Variants in EFNA5 observed in about 807,000 individuals in gnomAD.
EFNA5 encodes ephrin-A5.
A neutral mutation model predicts 22.9 loss-of-function variants in EFNA5; 5 were observed. That is an observed-to-expected ratio of 0.22 (90% confidence interval 0.11 to 0.46). The LOEUF (loss-of-function observed/expected upper bound fraction) is 0.46. Among genes scored for constraint, EFNA5 ranks in the 20% least tolerant of loss-of-function variants. EFNA5 has a pLI of 0.99. For synonymous variants in EFNA5, 113 were observed against 112.2 expected, an observed-to-expected ratio of 1.01 and a Z score of -0.04; for missense variants, 237 against 293.3, an observed-to-expected ratio of 0.81 and a Z score of 1.40.
At chr5:107,466,988 T>C (rs1437144619) in intron 1 of EFNA5, among the ~76,000 whole-genome samples, 2 of 152,212 alleles carry the variant, frequency 1.3e-5, no homozygotes, top group Non-Finnish European at 2.9e-5. Context: ...TTCAAGCCTA[T>C]CTTCATTGAT....
At chr5:107,641,320 C>T (rs1051062955) in intron 1 of EFNA5, among the ~76,000 whole-genome samples, 2 of 150,628 alleles carry the variant, frequency 1.3e-5, no homozygotes, top group East Asian at 2.0e-4. Context: ...ACTGTACCAC[C>T]GCACTCCAGC....
chr5:107,640,914 G>C (rs908987010), intron 1 of EFNA5, among the ~76,000 whole-genome samples: 1 of 152,042 alleles, frequency 6.6e-6, no homozygotes, highest in Admixed American at 6.6e-5. Context: ...GCCACACCAG[G>C]TCACTTCTCT....
At chr5:107,669,583 C>A (rs1019257737) in intron 1 of EFNA5, among the ~76,000 whole-genome samples, 1 of 152,034 alleles carries the variant, frequency 6.6e-6, no homozygotes, top group African/African-American at 2.4e-5. Context: ...TGCGACTGGC[C>A]GGTGTCCAGC....
intron 1 of EFNA5, among the ~76,000 whole-genome samples, chr5:107,428,278 C>T (rs1748857698): frequency 6.6e-6 from 1 of 152,128 alleles, no homozygotes; most frequent in Admixed American, 6.5e-5. Context: ...AATGGCTCTT[C>T]CCCTCATTTC....
chr5:107,570,685 T>C lies in EFNA5; in HGVS notation c.125+99804A>G, dbSNP rs753957355. 1.0e-3 allele frequency among the ~76,000 whole-genome samples: 159 copies of C among 151,926 alleles called. 3 individuals carry two copies. The highest frequency in any genetic ancestry group is 7.9e-4 in the Non-Finnish European group (54 of 67,972). On this transcript the variant is annotated intron_variant, in intron 1 of 4. Transcript: ENST00000333274. Reference sequence around the variant, plus strand: ...GGCGGGCAGGTATTAATGATTCTAATAGTAGAAAAAGAGGACAGCAAGTAA... The same window carrying C: ...GGCGGGCAGGTATTAATGATTCTAACAGTAGAAAAAGAGGACAGCAAGTAA...
intron 1 of EFNA5, among the ~76,000 whole-genome samples, chr5:107,630,069 GA>G (rs201014361): frequency 4.0e-5 from 6 of 148,792 alleles, no homozygotes; most frequent in East Asian, 2.0e-4. Flanking sequence ...AAAAAAAAAA[GA>G]AAAAAAAATT....
chr5:107,552,458 T>A (rs931477877), intron 1 of EFNA5, among the ~76,000 whole-genome samples: 1 of 152,122 alleles, frequency 6.6e-6, no homozygotes, highest in African/African-American at 2.4e-5. Flanking sequence ...ACAGAAAGCA[T>A]AGGTAACTCA....
intron 1 of EFNA5, among the ~76,000 whole-genome samples, chr5:107,480,327 T>C (rs1661702891): frequency 6.6e-6 from 1 of 152,258 alleles, no homozygotes; most frequent in African/African-American, 2.4e-5. Flanking sequence ...TAAATTCAAC[T>C]GTATTTTGTA....
intron 2 of EFNA5, among the ~76,000 whole-genome samples, chr5:107,425,294 A>G (rs751152452): frequency 2.0e-5 from 3 of 152,208 alleles, no homozygotes; most frequent in Non-Finnish European, 4.4e-5. Flanking sequence ...GTTAGTGGGT[A>G]TGTTCCTCAT....
rs898762701 is a variant in EFNA5, at chr5:107,601,923, A to G, written c.125+68566T>C. Among the ~76,000 whole-genome samples, 3 of 152,202 alleles carry G rather than the reference A, an allele frequency of 2.0e-5. No homozygotes were observed. In the East Asian group the frequency reaches 5.8e-4, roughly 29 times the overall value. Reference sequence around the variant, plus strand: ...AAGTAAGAAGTTTCCTCAAAAACCTATGTTTTTGGAGTCTTTCACAGCTTT... The same window carrying G: ...AAGTAAGAAGTTTCCTCAAAAACCTGTGTTTTTGGAGTCTTTCACAGCTTT... On this transcript the variant is annotated intron_variant, in intron 1 of 4. Coordinates refer to ENST00000333274, the MANE Select transcript of EFNA5 (RefSeq NM_001962.3).
intron 1 of EFNA5, among the ~76,000 whole-genome samples, chr5:107,626,793 T>A (rs1381651691): frequency 6.6e-6 from 1 of 152,196 alleles, no homozygotes; most frequent in Non-Finnish European, 1.5e-5. Context: ...TGGTTTTGAT[T>A]TTTTTTAACT....
intron 1 of EFNA5, among the ~76,000 whole-genome samples, chr5:107,648,868 A>C (rs1197226608): frequency 1.3e-5 from 2 of 152,204 alleles, no homozygotes; most frequent in African/African-American, 4.8e-5. Context: ...GTCCTCTTCA[A>C]AAGTTTACAC....
intron 1 of EFNA5, among the ~76,000 whole-genome samples, chr5:107,642,809 G>A (rs1364949173): frequency 6.6e-6 from 1 of 151,892 alleles, no homozygotes. Context: ...GTCTTTTAGG[G>A]ATCACTTTAA....
At chr5:107,512,956 T>G (rs1192929531) in intron 1 of EFNA5, among the ~76,000 whole-genome samples, 1 of 152,198 alleles carries the variant, frequency 6.6e-6, no homozygotes, top group Non-Finnish European at 1.5e-5. Context: ...TGATGAGGTC[T>G]CCTTTGATGA....
chr5:107,647,616 CA>C (rs1750652775), intron 1 of EFNA5, among the ~76,000 whole-genome samples: 1 of 152,042 alleles, frequency 6.6e-6, no homozygotes, highest in African/African-American at 2.4e-5. Flanking sequence ...TATTAGATAA[CA>C]AGGAAATGAA....
intron 1 of EFNA5, among the ~76,000 whole-genome samples, chr5:107,438,423 C>G (rs959167378): frequency 3.9e-5 from 6 of 152,196 alleles, no homozygotes; most frequent in African/African-American, 1.4e-4. Context: ...TTTTCAGCCC[C>G]TGCCAACCAC....
chr5:107,545,289 T>C (rs933036309), intron 1 of EFNA5, among the ~76,000 whole-genome samples: 9 of 152,256 alleles, frequency 5.9e-5, no homozygotes, highest in African/African-American at 2.2e-4. Context: ...GGCCACATTT[T>C]CAAAAACACA....
At chr5:107,547,760 G>A (rs754083931) in intron 1 of EFNA5, among the ~76,000 whole-genome samples, 7 of 152,112 alleles carry the variant, frequency 4.6e-5, no homozygotes, top group Non-Finnish European at 1.0e-4. Context: ...GATTACAAGA[G>A]GTGACTTTGT....
chr5:107,470,265 G>A (rs540476331), intron 1 of EFNA5, among the ~76,000 whole-genome samples: 1 of 152,248 alleles, frequency 6.6e-6, no homozygotes, highest in African/African-American at 2.4e-5. Context: ...CTGCTTCTGG[G>A]GCTACCATAC....
Sources: gnomAD v4.1 joint callset for allele counts (sites outside exome capture counted in the v4.1 genomes callset) on GRCh38, gnomAD v4.1.1 for gene constraint, MANE v1.5 for transcripts, NCBI Gene and HGNC (gene_info 2026-07-23, HGNC 2026-07-21) for gene names.